Variants in TCF25 observed in about 807,000 individuals in gnomAD.
The protein encoded by TCF25 is ribosome quality control complex subunit TCF25.
In TCF25, 41 loss-of-function variants were observed where a neutral mutation model predicts 83.1. That is an observed-to-expected ratio of 0.49 (90% confidence interval 0.38 to 0.64). The LOEUF (loss-of-function observed/expected upper bound fraction) is 0.64, where lower values mean the gene tolerates loss of function less well. TCF25 is among the 30% of genes least tolerant of loss of function. The pLI is 0.00. For missense variants in TCF25, 979 were observed against 914.5 expected (o/e 1.07, Z -0.91); for synonymous variants, 458 against 365.0 (o/e 1.25, Z -2.90).
intron 4 of TCF25, 56 bp downstream of exon 4, chr16:89,886,022 G>A (rs759705498): frequency 1.0e-5 from 15 of 1,463,216 alleles, no homozygotes; most frequent in Middle Eastern, 1.7e-4. Flanking sequence ...CCTTCTCTGC[G>A]GCTGCCCTTC....
In TCF25 at chr16:89,898,472, G is replaced by C. The variant is rs574645296; in HGVS notation, c.1023-85G>C. The C allele has an allele frequency of 8.0e-6, 11 of 1,369,000 alleles. No individual in the cohort carries two copies. The African/African-American group carries it at 1.4e-4, about 17-fold the overall frequency. 84.8% of individuals were successfully genotyped at this position (1,369,000 alleles called of 1,614,324 possible). A position where few individuals can be genotyped will look rare whatever the true frequency, so the allele number is the denominator to read the frequency against. On this transcript the variant is annotated intron_variant, in intron 9 of 17. Transcript: ENST00000263346. ...GCCAGGACGCTGAGCAGAGGGCGGGGTGGAGTGGGTGCTGGCCGGGGCGCT... is the reference window on the plus strand; with the variant it reads ...GCCAGGACGCTGAGCAGAGGGCGGGCTGGAGTGGGTGCTGGCCGGGGCGCT...
At chr16:89,892,355 T>G in intron 6 of TCF25, 80 bp downstream of exon 6, 2 of 1,443,432 alleles carry the variant, frequency 1.4e-6, no homozygotes, top group Non-Finnish European at 1.9e-6. Flanking sequence ...GCAAACCAGG[T>G]GAGGGTCTGC....
At chr16:89,891,850 T>C (rs1254769238) in intron 5 of TCF25, among the ~76,000 whole-genome samples, 1 of 152,090 alleles carries the variant, frequency 6.6e-6, no homozygotes, top group African/African-American at 2.4e-5. Flanking sequence ...TAAAACCCTT[T>C]GTAGAAATGG....
chr16:89,905,365 G>A (rs1407974436), intron 14 of TCF25, among the ~76,000 whole-genome samples: 5 of 152,148 alleles, frequency 3.3e-5, no homozygotes, highest in Non-Finnish European at 7.4e-5. Context: ...GTCTTGCAGT[G>A]TTTCCACATG....
chr16:89,879,937 G>A (rs2042477050), intron 1 of TCF25, among the ~76,000 whole-genome samples: 1 of 151,616 alleles, frequency 6.6e-6, no homozygotes. Flanking sequence ...AGGCTCCTGG[G>A]CCTATCATGT....
chr16:89,875,513 GTTTTTTT>G (rs1193815042), intron 1 of TCF25, among the ~76,000 whole-genome samples: 2 of 65,952 alleles, frequency 3.0e-5, no homozygotes, highest in African/African-American at 7.1e-5. Flanking sequence ...CCTGACGTGA[GTTTTTTT>G]TTTTTTTTTT....
Position 89,910,879 on chromosome 16 carries a change from C to T in TCF25, c.1873-201C>T, listed in dbSNP as rs1188506937. Among the ~76,000 whole-genome samples, 4 of 152,358 alleles carry T rather than the reference C, an allele frequency of 2.6e-5. No individual in the cohort carries two copies. The East Asian group carries it at 7.7e-4, about 29-fold the overall frequency. On this transcript the variant is annotated intron_variant, in intron 17 of 17. Transcript: ENST00000263346. ...AGATGCAGGGCCGTGAGTCAGCCGG[C>T]TTGATCCCACTCTGTGCCTGGCTTG...
intron 15 of TCF25, among the ~76,000 whole-genome samples, chr16:89,906,716 G>A (rs1011766571): frequency 2.0e-5 from 3 of 152,144 alleles, no homozygotes; most frequent in South Asian, 2.1e-4. Context: ...CAAGTCAGAG[G>A]GTCGCAGGAC....
chr16:89,895,180 A>C (rs759901688), intron 8 of TCF25, 43 bp downstream of exon 8: 2 of 1,557,898 alleles, frequency 1.3e-6, no homozygotes, highest in East Asian at 2.3e-5. Flanking sequence ...CTGTGGGAGC[A>C]CCTCAAGCTA....
Position 89,883,520 on chromosome 16 carries a change from G to T in TCF25, c.354+8G>T. 6.3e-7 allele frequency: 1 copy of T among 1,591,058 alleles called. No individual in the cohort carries two copies. Among genetic ancestry groups the T allele is most frequent in the Non-Finnish European group, 8.6e-7 (1 of 1,169,108 alleles). ...ACAGTGCCCTCAGAGCAGGTGGGGG[G>T]CTGAGTGGTGAGGAGGTGGCATCAG... On this transcript the variant is annotated splice_region_variant and intron_variant, in intron 2 of 17. Transcript: ENST00000263346.
chr16:89,906,896 T>C (rs1282655111), intron 15 of TCF25, among the ~76,000 whole-genome samples: 1 of 152,112 alleles, frequency 6.6e-6, no homozygotes, highest in Non-Finnish European at 1.5e-5. Flanking sequence ...TCAGGGTCCC[T>C]GTAGCCTGCA....
At chr16:89,880,025 A>G (rs866755601) in intron 1 of TCF25, among the ~76,000 whole-genome samples, 3 of 106,210 alleles carry the variant, frequency 2.8e-5, no homozygotes, top group South Asian at 3.3e-4. Flanking sequence ...TCCTGAGCCC[A>G]TCACACGTGC....
rs1016853391 is a variant in TCF25, at chr16:89,888,488, C to A, written c.614+771C>A. Among the ~76,000 whole-genome samples, 5 of 150,764 alleles carry A rather than the reference C, an allele frequency of 3.3e-5. No individual in the cohort carries two copies. The South Asian group carries it at 8.4e-4, about 25-fold the overall frequency. ...CCTGTAATCCCAGCTACTCAGGAGG[C>A]TGAGGCAGGAGAATCGCTTGAAACC... On this transcript the variant is annotated intron_variant, in intron 5 of 17. Transcript: ENST00000263346.
At chr16:89,886,093 A>C in intron 4 of TCF25, 127 bp downstream of exon 4, 1 of 662,080 alleles carries the variant, frequency 1.5e-6, no homozygotes, top group Admixed American at 2.1e-5. Flanking sequence ...AGGTTCTCTA[A>C]AAAAGGAAAA....
At chr16:89,911,035 C>T (rs1350277065) in intron 17 of TCF25, 45 bp from the exon 18 acceptor site, 1 of 1,605,418 alleles carries the variant, frequency 6.2e-7, no homozygotes, top group Admixed American at 1.7e-5. Flanking sequence ...GGCCCCTAGT[C>T]CCAGCACAGA....
At chr16:89,895,964 C>G in intron 8 of TCF25, 26 bp from the exon 9 acceptor site, 1 of 1,606,884 alleles carries the variant, frequency 6.2e-7, no homozygotes, top group Non-Finnish European at 8.5e-7. Flanking sequence ...CCATGACACC[C>G]TCCCCTGGCG....
chr16:89,885,807 A>G, intron 3 of TCF25, 41 bp from the exon 4 acceptor site: 1 of 1,434,242 alleles, frequency 7.0e-7, no homozygotes, highest in East Asian at 2.3e-5. Flanking sequence ...ATTTAAAATA[A>G]TGTCAGTGTG....
intron 1 of TCF25, among the ~76,000 whole-genome samples, chr16:89,876,449 A>G (rs2042196437): frequency 6.6e-6 from 1 of 152,184 alleles, no homozygotes; most frequent in Non-Finnish European, 1.5e-5. Flanking sequence ...ATTTATTTAG[A>G]GACAAGATCT....
chr16:89,907,134 C>A (rs1473921907), intron 15 of TCF25, 109 bp from the exon 16 acceptor site: 2 of 1,091,428 alleles, frequency 1.8e-6, no homozygotes, highest in East Asian at 4.7e-5. Context: ...GGCTATCTCT[C>A]AGCAGATGCA....
Sources: gnomAD v4.1 joint callset for allele counts (sites outside exome capture counted in the v4.1 genomes callset) on GRCh38, gnomAD v4.1.1 for gene constraint, MANE v1.5 for transcripts, NCBI Gene and HGNC (gene_info 2026-07-23, HGNC 2026-07-21) for gene names.